Variants in IMPA2 observed in about 807,000 individuals in gnomAD.
The protein encoded by IMPA2 is inositol monophosphatase 2.
Under a neutral mutation model 35.1 loss-of-function variants are expected in IMPA2, and 32 were observed. The ratio of observed to expected loss-of-function variants is 0.91; its 90% CI spans 0.69 to 1.23. The LOEUF is 1.23. Ranked by LOEUF, IMPA2 falls within the 50% of genes most tolerant of loss-of-function variation. The pLI, the probability that IMPA2 is intolerant of heterozygous loss-of-function variation, is 0.00. For missense variants in IMPA2, 334 were observed against 387.6 expected (o/e 0.86, Z 1.16); for synonymous variants, 135 against 160.6 (o/e 0.84, Z 1.20).
chr18:12,006,377 C>T (rs984570930), intron 2 of IMPA2, among the ~76,000 whole-genome samples: 1 of 152,266 alleles, frequency 6.6e-6, no homozygotes, highest in Non-Finnish European at 1.5e-5. Flanking sequence ...ATGTGGACAA[C>T]TGAGAGTGGA....
chr18:12,005,184 T>C (rs1309046982), intron 2 of IMPA2, among the ~76,000 whole-genome samples: 4 of 152,206 alleles, frequency 2.6e-5, no homozygotes, highest in African/African-American at 7.2e-5. Flanking sequence ...TCGTGCCACC[T>C]TGTAGGCGGG....
rs139809662 is a variant in IMPA2 at position 11,987,584 on chromosome 18, G to C, written c.96+5819G>C. ...GACCTCAAGTGGTCCACCCGCCTTG[G>C]CCTCCCAAAGTGCTGGGATTACAGG... is the stretch of plus-strand genomic sequence containing the variant. On this transcript the variant is annotated intron_variant, in intron 1 of 7. Transcript: ENST00000269159. 8.7e-3 allele frequency among the ~76,000 whole-genome samples: 1,322 copies of C among 152,240 alleles called. 17 individuals are homozygous for C. Among genetic ancestry groups the C allele is most frequent in the African/African-American group, 0.031 (1,270 of 41,522 alleles).
intron 1 of IMPA2, 149 bp from the exon 2 acceptor site, chr18:11,998,905 G>A (rs972367439): frequency 7.2e-5 from 31 of 432,226 alleles, no homozygotes; most frequent in Non-Finnish European, 1.1e-4. Flanking sequence ...GTGACCCACA[G>A]AGCCACACCT....
intron 1 of IMPA2, 56 bp downstream of exon 1, chr18:11,981,821 G>T: frequency 8.8e-7 from 1 of 1,138,818 alleles, no homozygotes; most frequent in South Asian, 4.4e-5. Context: ...CGTGGGCCTT[G>T]GGAGCCGCCT....
chr18:12,006,609 C>T (rs1039211751), intron 2 of IMPA2, among the ~76,000 whole-genome samples: 3 of 152,172 alleles, frequency 2.0e-5, no homozygotes, highest in African/African-American at 4.8e-5. Flanking sequence ...CCTGCTTATT[C>T]GTGGGTTTCT....
Position 11,999,150 on chromosome 18 carries a change from A to T in IMPA2, c.193A>T (p.Ile65Phe), listed in dbSNP as rs1907047053. 6.2e-7 allele frequency: 1 copy of T among 1,613,674 alleles called. No homozygotes were observed. The highest frequency in any genetic ancestry group is 1.3e-5 in the African/African-American group (1 of 74,888). The change falls in exon 2 of 8, where the codon ATT (isoleucine) becomes TTT (phenylalanine). Residue 65 changes from isoleucine to phenylalanine, a missense_variant. By Grantham distance (21) the Ile-to-Phe change is conservative. Coordinates refer to ENST00000269159, the MANE Select transcript of IMPA2 (RefSeq NM_014214.3). Reference sequence around the variant, plus strand: ...AACAGATCACCTTGTGGAAGATTTAATTATTTCTGAGTTGCGAGAGAGGTT... The same window carrying T: ...AACAGATCACCTTGTGGAAGATTTATTTATTTCTGAGTTGCGAGAGAGGTT... ...TETDHLVEDL[I>F]ISELRERFPS...
intron 2 of IMPA2, among the ~76,000 whole-genome samples, chr18:12,002,990 C>T (rs190974827): frequency 6.6e-6 from 1 of 150,402 alleles, no homozygotes; most frequent in Non-Finnish European, 1.5e-5. Flanking sequence ...GTCAGGAGTT[C>T]GAGACCAGCC....
Position 11,998,991 on chromosome 18 carries a change from A to G in IMPA2, c.97-63A>G, listed in dbSNP as rs570648197. 6 of 1,229,900 alleles carry G rather than the reference A, an allele frequency of 4.9e-6. No individual in the cohort carries two copies. In the East Asian group the frequency reaches 2.2e-4, roughly 46 times the overall value. The allele number at this position is 1,229,900 out of a possible 1,614,324, so 76.2% of individuals were successfully genotyped here. ...ACAGAGGGGACTCGAAGGAGTGGATAATTCCTTTGCCTGGGAGGAGGATGT... is the reference window on the plus strand; with the variant it reads ...ACAGAGGGGACTCGAAGGAGTGGATGATTCCTTTGCCTGGGAGGAGGATGT... On this transcript the variant is annotated intron_variant, in intron 1 of 7. Coordinates refer to ENST00000269159, the MANE Select transcript of IMPA2 (RefSeq NM_014214.3).
chr18:12,025,396 G>T (rs368164832), intron 5 of IMPA2, among the ~76,000 whole-genome samples: 2 of 152,212 alleles, frequency 1.3e-5, no homozygotes, highest in South Asian at 4.1e-4. Context: ...CAAGGGGCAC[G>T]ATTGCTGGAC....
At chr18:12,028,261 G>A (rs1907938905) in intron 6 of IMPA2, 110 bp downstream of exon 6, 2 of 713,960 alleles carry the variant, frequency 2.8e-6, no homozygotes, top group East Asian at 2.7e-5. Flanking sequence ...TGGAAAGAGT[G>A]GGAGGGGCAC....
intron 5 of IMPA2, among the ~76,000 whole-genome samples, chr18:12,016,689 G>C (rs760277525): frequency 6.6e-6 from 1 of 152,084 alleles, no homozygotes; most frequent in Admixed American, 6.5e-5. Flanking sequence ...AGAGTGTTGG[G>C]CTTACAGGTG....
chr18:11,999,470 C>A (rs1907057936), intron 2 of IMPA2, among the ~76,000 whole-genome samples: 1 of 152,258 alleles, frequency 6.6e-6, no homozygotes, highest in Non-Finnish European at 1.5e-5. Context: ...GCTCCTTGCA[C>A]CCCTGTACTC....
At position 12,006,727 on chromosome 18, in the gene IMPA2, G is replaced by C. The variant is rs538857855; in HGVS notation, c.231-3156G>C. ...ATTTATCAGCAAAATGGAGGGGCTG[G>C]ATGACTCTGCATCCCAGGCATGAAC... On this transcript the variant is annotated intron_variant, in intron 2 of 7. Coordinates refer to ENST00000269159, the MANE Select transcript of IMPA2 (RefSeq NM_014214.3). 2.6e-4 allele frequency among the ~76,000 whole-genome samples: 39 copies of C among 152,322 alleles called. No individual in the cohort carries two copies. The South Asian group carries it at 7.1e-3, about 28-fold the overall frequency.
chr18:12,029,629 C>T (rs2143831477), intron 7 of IMPA2, among the ~76,000 whole-genome samples: 1 of 152,026 alleles, frequency 6.6e-6, no homozygotes, highest in African/African-American at 2.4e-5. Flanking sequence ...CCATGTTGGT[C>T]AGGCTGGTCT....
chr18:11,989,527 G>A (rs1906754721), intron 1 of IMPA2, among the ~76,000 whole-genome samples: 1 of 152,240 alleles, frequency 6.6e-6, no homozygotes, highest in South Asian at 2.1e-4. Context: ...TGGGGTGGGG[G>A]TCGGTACATG....
chr18:12,023,423 C>T lies in IMPA2; in HGVS notation c.491-4620C>T, dbSNP rs116437776. On this transcript the variant is annotated intron_variant, in intron 5 of 7. Coordinates refer to ENST00000269159, the MANE Select transcript of IMPA2 (RefSeq NM_014214.3). The stretch of plus-strand genomic sequence containing the variant: ...AGAGTGAGGACCTGGTCACTGTCAG[C>T]AAGTGAAAAATTGCTGTTTCTTGCA... Among the ~76,000 whole-genome samples, 1,092 of 152,288 alleles carry T rather than the reference C, an allele frequency of 7.2e-3. 11 individuals carry two copies. The highest frequency in any genetic ancestry group is 0.025 in the African/African-American group (1,019 of 41,564).
At chr18:12,016,162 T>G (rs1482800642) in intron 5 of IMPA2, among the ~76,000 whole-genome samples, 1 of 152,178 alleles carries the variant, frequency 6.6e-6, no homozygotes, top group African/African-American at 2.4e-5. Flanking sequence ...CTTCTCTCAT[T>G]TGTCTGGTAT....
At position 12,022,528 on chromosome 18, in the gene IMPA2, A is replaced by AAATATAT. The variant is rs68185380; in HGVS notation, c.491-5514_491-5513insATATATA. Among the ~76,000 whole-genome samples, 495 of 96,786 alleles carry AAATATAT rather than the reference A, an allele frequency of 5.1e-3. 30 individuals are homozygous for AAATATAT. The highest frequency in any genetic ancestry group is 0.028 in the East Asian group (118 of 4,156). The allele number at this position is 96,786 out of a possible 152,430, so 63.5% of individuals were successfully genotyped here. A position where few individuals can be genotyped will look rare whatever the true frequency, so the allele number is the denominator to read the frequency against. ...CAGAATGGGGCTCCATCTCAAAAAG[A>AAATATAT]ATATATATATATATATATATATATA... On this transcript the variant is annotated intron_variant, in intron 5 of 7. Coordinates refer to ENST00000269159, the MANE Select transcript of IMPA2 (RefSeq NM_014214.3).
At chr18:12,022,253 C>T (rs539075554) in intron 5 of IMPA2, among the ~76,000 whole-genome samples, 1 of 151,980 alleles carries the variant, frequency 6.6e-6, no homozygotes, top group Admixed American at 6.6e-5. Context: ...TACATTAGGC[C>T]GGGCCCGGTG....
Sources: gnomAD v4.1 joint callset for allele counts (sites outside exome capture counted in the v4.1 genomes callset) on GRCh38, gnomAD v4.1.1 for gene constraint, MANE v1.5 for transcripts, NCBI Gene and HGNC (gene_info 2026-07-23, HGNC 2026-07-21) for gene names.